Variants in CATSPER3 observed in about 807,000 individuals in gnomAD.
CATSPER3 encodes cation channel sperm-associated protein 3.
A neutral mutation model predicts 36.6 loss-of-function variants in CATSPER3; 23 were observed. That is an observed-to-expected ratio of 0.63 (90% CI 0.45 to 0.89). The LOEUF (loss-of-function observed/expected upper bound fraction) is 0.89, where lower values mean the gene tolerates loss of function less well. CATSPER3 is among the 40% of genes least tolerant of loss of function. The pLI, the probability that CATSPER3 is intolerant of heterozygous loss-of-function variation, is 0.00. For synonymous variants in CATSPER3, 172 were observed against 184.1 expected, an observed-to-expected ratio of 0.93 and a Z score of 0.53; for missense variants, 474 against 503.9, an observed-to-expected ratio of 0.94 and a Z score of 0.57.
At chr5:134,983,609 A>G (rs536139334) in intron 2 of CATSPER3, among the ~76,000 whole-genome samples, 1 of 152,348 alleles carries the variant, frequency 6.6e-6, no homozygotes, top group East Asian at 1.9e-4. Context: ...CCAAACAAAT[A>G]GAAACCAAAA....
Position 134,969,938 on chromosome 5 carries a change from G to A in CATSPER3, c.99-1G>A. The A allele has an allele frequency of 6.2e-7, 1 of 1,614,056 alleles. No homozygotes were observed. Among genetic ancestry groups the A allele is most frequent in the Non-Finnish European group, 8.5e-7 (1 of 1,179,980 alleles). The stretch of plus-strand genomic sequence containing the variant: ...ATACTTCACATTCAACTTTTTGACA[G>A]GAGGAACGATGATGAATGTCGGGCA... On this transcript the variant is annotated splice_acceptor_variant, in intron 1 of 7. Transcript: ENST00000282611. LOFTEE classifies it high-confidence loss of function.
At chr5:134,986,038 A>AAT (rs1187853482) in intron 2 of CATSPER3, among the ~76,000 whole-genome samples, 13 of 152,178 alleles carry the variant, frequency 8.5e-5, no homozygotes, top group South Asian at 6.2e-4. Flanking sequence ...CAGTCACTTA[A>AAT]ATATATATAT....
intron 2 of CATSPER3, among the ~76,000 whole-genome samples, chr5:134,972,126 T>C (rs1254779377): frequency 6.6e-6 from 1 of 152,092 alleles, no homozygotes; most frequent in Non-Finnish European, 1.5e-5. Context: ...AATTTGAAAA[T>C]CTGGAACCTG....
chr5:135,009,053 GGAGGA>G, intron 5 of CATSPER3, 72 bp downstream of exon 5: 1 of 1,597,140 alleles, frequency 6.3e-7, no homozygotes, highest in Non-Finnish European at 8.6e-7. Flanking sequence ...AAGTCTCCAG[GGAGGA>G]CCTGGAGCTG....
At chr5:134,981,570 C>T (rs1293597242) in intron 2 of CATSPER3, among the ~76,000 whole-genome samples, 1 of 152,096 alleles carries the variant, frequency 6.6e-6, no homozygotes, top group African/African-American at 2.4e-5. Context: ...TCACACACAA[C>T]AAAGAATATA....
intron 2 of CATSPER3, among the ~76,000 whole-genome samples, chr5:134,992,026 G>A (rs1751884684): frequency 6.6e-6 from 1 of 152,006 alleles, no homozygotes; most frequent in Non-Finnish European, 1.5e-5. Context: ...GGAGGCTGAG[G>A]TGTGAGGATC....
intron 2 of CATSPER3, among the ~76,000 whole-genome samples, chr5:134,987,601 G>A (rs1561460539): frequency 6.6e-6 from 1 of 152,066 alleles, no homozygotes; most frequent in East Asian, 1.9e-4. Flanking sequence ...TACTTAGCAG[G>A]ATTATACACC....
chr5:134,989,161 T>C (rs2149549056), intron 2 of CATSPER3, among the ~76,000 whole-genome samples: 1 of 152,324 alleles, frequency 6.6e-6, no homozygotes, highest in East Asian at 1.9e-4. Flanking sequence ...TAAACCGATA[T>C]GCTGTCATCC....
Position 135,008,114 on chromosome 5 carries a change from T to A in CATSPER3, c.650T>A (p.Phe217Tyr). Residue 217 changes from phenylalanine to tyrosine, a missense_variant, in exon 4 of 8, where the codon TTT becomes TAT. Transcript: ENST00000282611. ...HDNWGNLAAA[F>Y]FTLFSLATVD... ...AACTGGGGGAACCTGGCTGCAGCTT[T>A]TTTCACCCTCTTCAGCTTGGCCACG... The A allele has an allele frequency of 6.2e-7, 1 of 1,614,118 alleles. No homozygotes were observed.
chr5:134,988,485 C>T (rs1444563196), intron 2 of CATSPER3, among the ~76,000 whole-genome samples: 3 of 152,192 alleles, frequency 2.0e-5, no homozygotes, highest in Admixed American at 2.0e-4. Context: ...CTTTTATCAA[C>T]GAAGTTTACG....
At chr5:135,008,492 C>A (rs1162835718) in intron 4 of CATSPER3, among the ~76,000 whole-genome samples, 1 of 152,182 alleles carries the variant, frequency 6.6e-6, no homozygotes, top group Non-Finnish European at 1.5e-5. Context: ...CTAGAAGAAG[C>A]ATGCAAAACC....
intron 2 of CATSPER3, among the ~76,000 whole-genome samples, chr5:134,995,307 A>AGAG (rs1751931472): frequency 6.6e-6 from 1 of 152,084 alleles, no homozygotes; most frequent in East Asian, 1.9e-4. Context: ...GGCCTCTGGT[A>AGAG]ACCACTAGTC....
At chr5:134,985,320 T>A (rs1039427128) in intron 2 of CATSPER3, among the ~76,000 whole-genome samples, 1 of 152,116 alleles carries the variant, frequency 6.6e-6, no homozygotes, top group Non-Finnish European at 1.5e-5. Context: ...GTGCAGTAAC[T>A]CAGGATTCAA....
At chr5:134,989,529 A>G (rs1751854157) in intron 2 of CATSPER3, among the ~76,000 whole-genome samples, 1 of 152,182 alleles carries the variant, frequency 6.6e-6, no homozygotes, top group African/African-American at 2.4e-5. Flanking sequence ...TGTTGTGGAG[A>G]TAAGTTATTT....
chr5:134,976,310 G>A (rs1184871145), intron 2 of CATSPER3, among the ~76,000 whole-genome samples: 1 of 152,134 alleles, frequency 6.6e-6, no homozygotes, highest in Non-Finnish European at 1.5e-5. Context: ...GACAGAGCAA[G>A]ACCCCATACC....
At chr5:134,971,470 C>G (rs186729149) in intron 2 of CATSPER3, among the ~76,000 whole-genome samples, 1 of 152,110 alleles carries the variant, frequency 6.6e-6, no homozygotes, top group Admixed American at 6.5e-5. Context: ...AGCCAAGAAC[C>G]CACAGGCAGC....
intron 3 of CATSPER3, among the ~76,000 whole-genome samples, chr5:134,998,718 C>A (rs2149551302): frequency 6.6e-6 from 1 of 152,282 alleles, no homozygotes; most frequent in Admixed American, 6.5e-5. Context: ...TAAATGTCTT[C>A]TTTTGAGAGT....
chr5:135,007,825 G>T, intron 3 of CATSPER3, 132 bp from the exon 4 acceptor site: 1 of 272,226 alleles, frequency 3.7e-6, no homozygotes, highest in Non-Finnish European at 7.3e-6. Flanking sequence ...CACCCTTATT[G>T]AGCATCTACC....
At chr5:134,997,712 C>A (rs1051399951) in intron 3 of CATSPER3, among the ~76,000 whole-genome samples, 1 of 152,276 alleles carries the variant, frequency 6.6e-6, no homozygotes, top group East Asian at 1.9e-4. Context: ...CTCCTCTGCT[C>A]CCTCTGCACA....
Sources: allele counts gnomAD v4.1 joint callset (sites outside exome capture counted in the v4.1 genomes callset), GRCh38; gene constraint gnomAD v4.1.1; transcripts MANE v1.5; gene names NCBI Gene and HGNC (gene_info 2026-07-23, HGNC 2026-07-21).